The following AP3B1 variants were observed in gnomAD, a reference collection of about 807,000 sequenced individuals.
AP3B1 encodes adaptor related protein complex 3 subunit beta 1.
Under a neutral mutation model 132.5 loss-of-function variants are expected in AP3B1, and 61 were observed. That is an observed-to-expected ratio of 0.46 (90% CI 0.37 to 0.57). The LOEUF (loss-of-function observed/expected upper bound fraction) is 0.57, where lower values mean the gene tolerates loss of function less well. Ranked by LOEUF, AP3B1 falls within the 20% of genes least tolerant of loss-of-function variation. The pLI is 0.00. For synonymous variants in AP3B1, 388 were observed against 438.3 expected (o/e 0.89, Z 1.43); for missense variants, 1,120 against 1,289.4 (o/e 0.87, Z 2.01).
intron 7 of AP3B1, among the ~76,000 whole-genome samples, chr5:78,211,980 A>C (rs1007046938): frequency 6.6e-6 from 1 of 152,218 alleles, no homozygotes; most frequent in South Asian, 2.1e-4. Context: ...CAAATGGAAT[A>C]CTATGTAAGA....
chr5:78,194,178 C>T (rs574921477), intron 7 of AP3B1, among the ~76,000 whole-genome samples: 2 of 151,990 alleles, frequency 1.3e-5, no homozygotes, highest in Middle Eastern at 3.4e-3. Context: ...TGTTATGAAG[C>T]CTTTAAATAT....
intron 1 of AP3B1, among the ~76,000 whole-genome samples, chr5:78,284,492 T>C (rs1749190088): frequency 6.6e-6 from 1 of 152,222 alleles, no homozygotes; most frequent in Non-Finnish European, 1.5e-5. Flanking sequence ...TAATAGATAG[T>C]AATTTAACTA....
In AP3B1 at chr5:78,294,677, A is replaced by C; in HGVS notation, c.-98T>G. The C allele has an allele frequency of 6.3e-7, 1 of 1,588,192 alleles. No homozygotes were observed. The highest frequency in any genetic ancestry group is 8.6e-7 in the Non-Finnish European group (1 of 1,167,308). ...CGGAACAAAACTAGTTCTCGTACGG[A>C]GGAGCGCGCGCAGGCGCTTCCGGAC... On this transcript the variant is annotated 5_prime_UTR_variant, in exon 1 of 27. Transcript: ENST00000255194.
chr5:78,293,491 T>C (rs1749621862), intron 1 of AP3B1, among the ~76,000 whole-genome samples: 1 of 152,204 alleles, frequency 6.6e-6, no homozygotes, highest in Non-Finnish European at 1.5e-5. Context: ...TTTGAAGTAG[T>C]AGCACTTTCT....
At chr5:78,260,998 G>A (rs868238567) in intron 2 of AP3B1, among the ~76,000 whole-genome samples, 2 of 152,132 alleles carry the variant, frequency 1.3e-5, no homozygotes, top group South Asian at 2.1e-4. Context: ...TACCACATTC[G>A]TTTATTCATC....
chr5:78,155,089 T>C (rs78280696), intron 14 of AP3B1, among the ~76,000 whole-genome samples: 4,561 of 152,286 alleles, frequency 0.03, 224 homozygotes, highest in African/African-American at 0.1. Context: ...TTGTGCTTAT[T>C]GTATTTGGGA....
intron 22 of AP3B1, among the ~76,000 whole-genome samples, chr5:78,081,105 C>T (rs1037765523): frequency 2.0e-5 from 3 of 152,032 alleles, no homozygotes; most frequent in African/African-American, 7.3e-5. Context: ...GGAGCATTAT[C>T]CAATAACCAA....
intron 17 of AP3B1, among the ~76,000 whole-genome samples, chr5:78,122,226 C>T (rs1229587232): frequency 6.6e-6 from 1 of 152,068 alleles, no homozygotes; most frequent in African/African-American, 2.4e-5. Flanking sequence ...TATGACAAAC[C>T]CACAGCCAAT....
intron 1 of AP3B1, among the ~76,000 whole-genome samples, chr5:78,276,307 A>G (rs1748772930): frequency 6.6e-6 from 1 of 152,082 alleles, no homozygotes; most frequent in Middle Eastern, 3.2e-3. Context: ...AACTCAAGCA[A>G]TCCTCCCACC....
intron 17 of AP3B1, among the ~76,000 whole-genome samples, chr5:78,122,422 T>C (rs1461149922): frequency 6.6e-6 from 1 of 152,232 alleles, no homozygotes; most frequent in Non-Finnish European, 1.5e-5. Context: ...TGTTTGCACA[T>C]GACATGATTG....
intron 15 of AP3B1, among the ~76,000 whole-genome samples, chr5:78,138,105 A>G (rs938685411): frequency 1.3e-5 from 2 of 152,222 alleles, no homozygotes; most frequent in Non-Finnish European, 2.9e-5. Flanking sequence ...AGTCTGTCTT[A>G]TATCTAATGG....
In AP3B1 at chr5:78,294,548, T is replaced by C. The variant is rs764312417; in HGVS notation, c.32A>G (p.Gln11Arg). MSSNSFPYNE[Q>R]SGGGEATELG... ...CTCCGTCGCCTCCCCTCCTCCGGACTGCTCATTGTAAGGAAAACTATTGCT... is the reference window on the plus strand; with the variant it reads ...CTCCGTCGCCTCCCCTCCTCCGGACCGCTCATTGTAAGGAAAACTATTGCT... The change falls in exon 1 of 27, where the codon CAG becomes CGG. Residue 11 changes from glutamine to arginine, a missense_variant. Gln to Arg is a conservative substitution (Grantham distance 43). Coordinates refer to ENST00000255194, the MANE Select transcript of AP3B1 (RefSeq NM_003664.5). The C allele has an allele frequency of 3.0e-5, 49 of 1,614,126 alleles. 1 individual carries two copies. In the Middle Eastern group the frequency reaches 9.9e-4, roughly 32 times the overall value.
chr5:78,227,290 A>G (rs1746435672), intron 5 of AP3B1, 82 bp downstream of exon 5: 2 of 1,369,622 alleles, frequency 1.5e-6, no homozygotes, highest in Non-Finnish European at 1.0e-6. Flanking sequence ...TACCTAAAAG[A>G]GCGAATAAAA....
chr5:78,047,624 T>G (rs1056356298), intron 22 of AP3B1, among the ~76,000 whole-genome samples: 3 of 152,206 alleles, frequency 2.0e-5, no homozygotes, highest in Non-Finnish European at 4.4e-5. Context: ...ATGGATTGAT[T>G]GCAAAATTTT....
rs572738329 is a variant in AP3B1, at chr5:78,082,878, C to T, written c.2577+6515G>A. Among the ~76,000 whole-genome samples, 10 of 151,830 alleles carry T rather than the reference C, an allele frequency of 6.6e-5. No homozygotes were observed. In the South Asian group the frequency reaches 1.0e-3, roughly 16 times the overall value. On this transcript the variant is annotated intron_variant, in intron 22 of 26. Transcript: ENST00000255194. ...TTGCTCAAGCTGGAGTGCAGTGGCG[C>T]GATCTTGGCTCACTGCAACCTCCGC...
rs962122795 is a variant in AP3B1 at position 78,248,558 on chromosome 5, T to C, written c.205-7622A>G. On this transcript the variant is annotated intron_variant, in intron 2 of 26. Coordinates refer to ENST00000255194, the MANE Select transcript of AP3B1 (RefSeq NM_003664.5). ...AAACATTGCAACCATATAGACTCTT[T>C]TATTTCCACCTCCCCACTAGCTTTT... 2.0e-5 allele frequency among the ~76,000 whole-genome samples: 3 copies of C among 151,884 alleles called. No homozygotes were observed. In the East Asian group the frequency reaches 5.8e-4, roughly 29 times the overall value.
chr5:78,103,442 T>C (rs889240867), intron 20 of AP3B1, among the ~76,000 whole-genome samples: 2 of 152,192 alleles, frequency 1.3e-5, no homozygotes, highest in East Asian at 3.8e-4. Context: ...GATGAAATCA[T>C]ATTTTACTGT....
intron 3 of AP3B1, among the ~76,000 whole-genome samples, chr5:78,236,375 C>T (rs1479166675): frequency 6.6e-6 from 1 of 152,054 alleles, no homozygotes; most frequent in Admixed American, 6.6e-5. Context: ...TATGCCAATA[C>T]TAGGTACCTC....
chr5:78,184,729 C>T (rs1278152118), intron 7 of AP3B1, among the ~76,000 whole-genome samples: 1 of 147,184 alleles, frequency 6.8e-6, no homozygotes, highest in Non-Finnish European at 1.5e-5. Flanking sequence ...GAAAATGCAA[C>T]AAAAGACCTA....
Sources: allele counts gnomAD v4.1 joint callset (sites outside exome capture counted in the v4.1 genomes callset), GRCh38; gene constraint gnomAD v4.1.1; transcripts MANE v1.5; gene names NCBI Gene and HGNC (gene_info 2026-07-23, HGNC 2026-07-21).